CMC1: variants seen among roughly 807,000 people sequenced by gnomAD.
The protein encoded by CMC1 is COX assembly mitochondrial protein homolog.
A neutral mutation model predicts 14.1 loss-of-function variants in CMC1; 14 were observed. The ratio of observed to expected loss-of-function variants is 0.99; its 90% CI spans 0.66 to 1.55. The LOEUF is 1.55. Ranked by LOEUF, CMC1 falls within the 40% of genes most tolerant of loss-of-function variation. The pLI, the probability that CMC1 is intolerant of heterozygous loss-of-function variation, is 0.00. For missense variants in CMC1, 127 were observed against 123.8 expected (o/e 1.03, Z -0.12); for synonymous variants, 50 against 38.4 (o/e 1.30, Z -1.12).
At chr3:28,253,806 C>T in intron 1 of CMC1, 2 of 982,402 alleles carry the variant, frequency 2.0e-6, no homozygotes, top group Non-Finnish European at 2.8e-6. Flanking sequence ...ATGGCATTAC[C>T]TAAGTAAGTA....
intron 2 of CMC1, among the ~76,000 whole-genome samples, chr3:28,302,046 C>T (rs1297064842): frequency 2.0e-5 from 3 of 152,200 alleles, no homozygotes; most frequent in Admixed American, 1.3e-4. Flanking sequence ...GGCCTTCACA[C>T]TCTAACCTTT....
intron 2 of CMC1, among the ~76,000 whole-genome samples, chr3:28,300,994 G>A (rs188865621): frequency 7.2e-6 from 1 of 139,844 alleles, no homozygotes; most frequent in Non-Finnish European, 1.5e-5. Context: ...TCACTTTTAA[G>A]TCTTAGGGGT....
chr3:28,324,765 A>C lies in CMC1; in HGVS notation c.*5136A>C. The C allele has an allele frequency of 4.5e-6, 1 of 222,432 alleles. No individual in the cohort carries two copies. The highest frequency in any genetic ancestry group is 8.8e-6 in the Non-Finnish European group (1 of 114,258). The allele number at this position is 222,432 out of a possible 1,614,324, so 13.8% of individuals were successfully genotyped here. A position where few individuals can be genotyped will look rare whatever the true frequency, so the allele number is the denominator to read the frequency against. The stretch of plus-strand genomic sequence containing the variant: ...GAGCTTTTAAAAGATGAAGAACTAC[A>C]TATTTTTAAAAGTTGGAAACTAATA... On this transcript the variant is annotated 3_prime_UTR_variant, in exon 4 of 4. Transcript: ENST00000466830.
chr3:28,255,143 C>G (rs184345465), intron 1 of CMC1, among the ~76,000 whole-genome samples: 17 of 152,146 alleles, frequency 1.1e-4, no homozygotes, highest in Non-Finnish European at 1.8e-4. Flanking sequence ...CCCTCATCCC[C>G]TTTAGGCACC....
At chr3:28,251,007 G>A (rs1699099864) in intron 1 of CMC1, among the ~76,000 whole-genome samples, 1 of 152,196 alleles carries the variant, frequency 6.6e-6, no homozygotes, top group Non-Finnish European at 1.5e-5. Context: ...TTTAACCAGA[G>A]ACAGTCTGGT....
intron 1 of CMC1, among the ~76,000 whole-genome samples, chr3:28,250,059 C>G (rs549892892): frequency 6.6e-6 from 1 of 152,226 alleles, no homozygotes; most frequent in African/African-American, 2.4e-5. Context: ...CCTTTATGAC[C>G]GCATTTGACC....
chr3:28,263,073 AAC>A, intron 1 of CMC1: 1 of 458,304 alleles, frequency 2.2e-6, no homozygotes, highest in South Asian at 2.8e-5. Flanking sequence ...AATTTTAAGA[AAC>A]ATGTTGCTTG....
chr3:28,258,651 G>T (rs112320387), intron 1 of CMC1, among the ~76,000 whole-genome samples: 3 of 121,806 alleles, frequency 2.5e-5, no homozygotes, highest in African/African-American at 3.3e-5. Context: ...ATGGAATCTC[G>T]CACTGTCACC....
At chr3:28,311,156 T>G (rs1369873703) in intron 2 of CMC1, among the ~76,000 whole-genome samples, 1 of 152,152 alleles carries the variant, frequency 6.6e-6, no homozygotes. Flanking sequence ...GAAAATTGTC[T>G]GTGGTACTCT....
intron 3 of CMC1, chr3:28,318,916 G>A: frequency 5.1e-6 from 1 of 194,282 alleles, no homozygotes; most frequent in South Asian, 8.5e-5. Flanking sequence ...ATTTTCTTCA[G>A]GATTGATTTT....
Position 28,274,930 on chromosome 3 carries a change from T to C in CMC1, c.109+11550T>C, listed in dbSNP as rs190468813. 2.6e-5 allele frequency among the ~76,000 whole-genome samples: 4 copies of C among 152,316 alleles called. No homozygotes were observed. In the East Asian group the frequency reaches 7.7e-4, roughly 29 times the overall value. On this transcript the variant is annotated intron_variant, in intron 2 of 3. Transcript: ENST00000466830. ...GTTGCAAATTCTCAGGTTGTGTTTT[T>C]CAGCTCCATCAGGTCCTTTATGTTC...
intron 2 of CMC1, among the ~76,000 whole-genome samples, chr3:28,311,091 A>T (rs1363609189): frequency 6.6e-6 from 1 of 151,998 alleles, no homozygotes; most frequent in Non-Finnish European, 1.5e-5. Flanking sequence ...AAAGATGTTT[A>T]TCATTTCTGG....
At chr3:28,294,769 T>C (rs979618139) in intron 2 of CMC1, among the ~76,000 whole-genome samples, 9 of 152,134 alleles carry the variant, frequency 5.9e-5, no homozygotes, top group Non-Finnish European at 1.3e-4. Flanking sequence ...TTCATTGAGT[T>C]GGGTAAAATA....
At chr3:28,268,860 A>G (rs1700133794) in intron 2 of CMC1, among the ~76,000 whole-genome samples, 1 of 152,234 alleles carries the variant, frequency 6.6e-6, no homozygotes, top group South Asian at 2.1e-4. Context: ...ATAACTGAAC[A>G]AAGTATATAG....
chr3:28,306,725 A>G (rs1208592533), intron 2 of CMC1, among the ~76,000 whole-genome samples: 1 of 151,604 alleles, frequency 6.6e-6, no homozygotes, highest in East Asian at 1.9e-4. Flanking sequence ...GCTCACTGCA[A>G]CCTCAGCCTC....
At chr3:28,260,234 A>G (rs555973532) in intron 1 of CMC1, among the ~76,000 whole-genome samples, 1 of 151,644 alleles carries the variant, frequency 6.6e-6, no homozygotes, top group Admixed American at 6.6e-5. Context: ...TTTGTTGAGG[A>G]TTTTTGCATC....
At chr3:28,279,856 A>G (rs1423938020) in intron 2 of CMC1, among the ~76,000 whole-genome samples, 2 of 152,246 alleles carry the variant, frequency 1.3e-5, no homozygotes, top group Non-Finnish European at 1.5e-5. Context: ...GAATGGCTAC[A>G]ATTAAGAGCA....
chr3:28,249,582 T>G (rs1699018204), intron 1 of CMC1, among the ~76,000 whole-genome samples: 1 of 152,204 alleles, frequency 6.6e-6, no homozygotes, highest in South Asian at 2.1e-4. Flanking sequence ...TTAAAAAATA[T>G]CAATGCCTGG....
At chr3:28,246,101 C>G (rs1698813702) in intron 1 of CMC1, among the ~76,000 whole-genome samples, 2 of 151,586 alleles carry the variant, frequency 1.3e-5, no homozygotes, top group Admixed American at 1.3e-4. Flanking sequence ...CCCTGCCTGG[C>G]CTATAAGAAA....
Sources: gnomAD v4.1 joint callset for allele counts (sites outside exome capture counted in the v4.1 genomes callset) on GRCh38, gnomAD v4.1.1 for gene constraint, MANE v1.5 for transcripts, NCBI Gene and HGNC (gene_info 2026-07-23, HGNC 2026-07-21) for gene names.